Variants in CPXM2 observed in about 807,000 individuals in gnomAD.
CPXM2 encodes carboxypeptidase X, M14 family member 2.
CPXM2 carries 66 observed loss-of-function variants against 86.1 expected under a neutral mutation model. That is an observed-to-expected ratio of 0.77 (90% CI 0.63 to 0.94). The LOEUF is 0.94. Among genes scored for constraint, CPXM2 ranks in the 40% least tolerant of loss-of-function variants. The pLI is 0.00. For synonymous variants in CPXM2, 388 were observed against 400.2 expected (o/e 0.97, Z 0.36); for missense variants, 948 against 1,026.3 (o/e 0.92, Z 1.04).
At chr10:123,778,350 C>T (rs1275094661) in intron 7 of CPXM2, among the ~76,000 whole-genome samples, 1 of 152,162 alleles carries the variant, frequency 6.6e-6, no homozygotes, top group Non-Finnish European at 1.5e-5. Context: ...TTCCCAGGAG[C>T]CAGGAATCCA....
chr10:123,880,148 C>A, intron 2 of CPXM2, 63 bp downstream of exon 2: 2 of 227,126 alleles, frequency 8.8e-6, no homozygotes, highest in South Asian at 7.7e-5. Flanking sequence ...GGGCCTGTAC[C>A]CACCCACCCT....
At chr10:123,880,914 G>C (rs894013808) in intron 1 of CPXM2, among the ~76,000 whole-genome samples, 1 of 145,384 alleles carries the variant, frequency 6.9e-6, no homozygotes, top group Non-Finnish European at 1.5e-5. Flanking sequence ...ATCATTTGTA[G>C]TTTCTGGAAC....
chr10:123,830,838 A>G (rs1012506454), intron 4 of CPXM2, among the ~76,000 whole-genome samples: 7 of 150,828 alleles, frequency 4.6e-5, no homozygotes, highest in African/African-American at 1.7e-4. Context: ...CACTTGAAAC[A>G]TGAGTATGCA....
intron 13 of CPXM2, chr10:123,752,088 T>G: frequency 1.0e-6 from 1 of 984,980 alleles, no homozygotes; most frequent in Non-Finnish European, 1.2e-6. Flanking sequence ...TTTAGAATTG[T>G]CATTTCAAAG....
At chr10:123,798,275 G>C (rs1458703238) in intron 5 of CPXM2, 149 bp from the exon 6 acceptor site, 1 of 673,766 alleles carries the variant, frequency 1.5e-6, no homozygotes, top group Admixed American at 3.7e-5. Context: ...AAAAAGAAAT[G>C]AATCAGGCCT....
intron 10 of CPXM2, among the ~76,000 whole-genome samples, chr10:123,765,665 A>C (rs1219741): frequency 0.06 from 9,089 of 152,284 alleles, 461 homozygotes; most frequent in East Asian, 0.28. Context: ...TCCCTAGTCT[A>C]CTGCCCACAT....
chr10:123,763,093 G>A (rs1270197980), intron 10 of CPXM2, among the ~76,000 whole-genome samples: 3 of 152,138 alleles, frequency 2.0e-5, no homozygotes, highest in African/African-American at 7.2e-5. Flanking sequence ...AGGCTGGAGT[G>A]CAGTGGCGCG....
chr10:123,922,412 G>A (rs752017356), intron 2 of CPXM2, among the ~76,000 whole-genome samples: 1 of 152,148 alleles, frequency 6.6e-6, no homozygotes, highest in Non-Finnish European at 1.5e-5. Flanking sequence ...AAATGTTTCT[G>A]GATGTAATGC....
intron 1 of CPXM2, chr10:123,887,147 G>A (rs1161054156): frequency 6.6e-6 from 1 of 152,326 alleles, no homozygotes; most frequent in Middle Eastern, 3.4e-3. Flanking sequence ...CTAGCAATAA[G>A]TACTCTTCAT....
chr10:123,801,786 C>T (rs1467185659), intron 4 of CPXM2, among the ~76,000 whole-genome samples: 1 of 152,152 alleles, frequency 6.6e-6, no homozygotes. Flanking sequence ...ACTGTTTATA[C>T]TCTCTCTTGC....
intron 1 of CPXM2, among the ~76,000 whole-genome samples, chr10:123,884,155 G>C (rs775960222): frequency 2.9e-4 from 44 of 152,114 alleles, no homozygotes; most frequent in Non-Finnish European, 4.4e-4. Flanking sequence ...AGTCCAACAG[G>C]CTCTGCATTC....
At chr10:123,913,959 G>T in intron 2 of CPXM2, 1 of 469,740 alleles carries the variant, frequency 2.1e-6, no homozygotes, top group Admixed American at 2.2e-5. Context: ...CATGCCTGAT[G>T]GACCAGAGTG....
chr10:123,897,554 T>C (rs1487724142), intron 2 of CPXM2, among the ~76,000 whole-genome samples: 1 of 152,086 alleles, frequency 6.6e-6, no homozygotes, highest in Non-Finnish European at 1.5e-5. Flanking sequence ...CGGAGTGGCA[T>C]AGTGTGTCAG....
chr10:123,847,263 G>T lies in CPXM2; in HGVS notation c.514-4775C>A, dbSNP rs138013578. Among the ~76,000 whole-genome samples, 27 of 152,280 alleles carry T rather than the reference G, an allele frequency of 1.8e-4. No homozygotes were observed. In the East Asian group the frequency reaches 4.8e-3, roughly 27 times the overall value. The stretch of plus-strand genomic sequence containing the variant: ...TTTCAGGCCAGGTGCGGTGGCTCAC[G>T]CCTGTAATCCCAGCACTTTGGGAGG... On this transcript the variant is annotated intron_variant, in intron 3 of 13. Transcript: ENST00000241305.
chr10:123,818,183 A>T (rs1371798016), intron 4 of CPXM2, among the ~76,000 whole-genome samples: 1 of 152,220 alleles, frequency 6.6e-6, no homozygotes, highest in African/African-American at 2.4e-5. Flanking sequence ...AATCAAGTGG[A>T]TAGGATGACC....
chr10:123,787,345 G>A (rs1847084993), intron 6 of CPXM2, among the ~76,000 whole-genome samples: 1 of 152,090 alleles, frequency 6.6e-6, no homozygotes, highest in Non-Finnish European at 1.5e-5. Context: ...CCACAGCTCA[G>A]GACTCCTGAG....
At chr10:123,863,454 A>G (rs1848903117) in intron 2 of CPXM2, among the ~76,000 whole-genome samples, 1 of 152,146 alleles carries the variant, frequency 6.6e-6, no homozygotes. Flanking sequence ...CATGCCAACC[A>G]CCCGAGGCTG....
At chr10:123,822,563 G>C (rs1259452829) in intron 4 of CPXM2, among the ~76,000 whole-genome samples, 1 of 152,032 alleles carries the variant, frequency 6.6e-6, no homozygotes, top group Non-Finnish European at 1.5e-5. Context: ...AGGGCGAGTT[G>C]GGGGAGGCAC....
chr10:123,836,423 T>C (rs1017689447), intron 4 of CPXM2, among the ~76,000 whole-genome samples: 1 of 151,812 alleles, frequency 6.6e-6, no homozygotes, highest in African/African-American at 2.4e-5. Flanking sequence ...AGTCCCTCAC[T>C]CCTGACACAG....
Sources: gnomAD v4.1 joint callset for allele counts (sites outside exome capture counted in the v4.1 genomes callset) on GRCh38, gnomAD v4.1.1 for gene constraint, MANE v1.5 for transcripts, NCBI Gene and HGNC (gene_info 2026-07-23, HGNC 2026-07-21) for gene names.